Variants in DMXL1 observed in about 807,000 individuals in gnomAD.
DMXL1 encodes the protein Dmx like 1.
A neutral mutation model predicts 319.2 loss-of-function variants in DMXL1; 99 were observed. The ratio of observed to expected loss-of-function variants is 0.31; its 90% confidence interval spans 0.26 to 0.37. The LOEUF is 0.37. Ranked by LOEUF, DMXL1 falls within the 10% of genes least tolerant of loss-of-function variation. The pLI is 1.00. For synonymous variants in DMXL1, 1,385 were observed against 1,235.2 expected (o/e 1.12, Z -2.54); for missense variants, 3,745 against 3,595.6 (o/e 1.04, Z -1.06).
chr5:119,087,812 T>A lies in DMXL1; in HGVS notation c.88-10167T>A, dbSNP rs138633798. 5.9e-3 allele frequency among the ~76,000 whole-genome samples: 903 copies of A among 152,248 alleles called. 8 individuals carry two copies. The highest frequency in any genetic ancestry group is 0.02 in the African/African-American group (814 of 41,542). On this transcript the variant is annotated intron_variant, in intron 1 of 43. Coordinates refer to ENST00000539542, the MANE Select transcript of DMXL1 (RefSeq NM_001290321.3). Reference sequence around the variant, plus strand: ...TCATGTTTGCTTTATTTTTATTATTTTTTTTTTGAGACAGAGTCTCGTTCT... The same window carrying A: ...TCATGTTTGCTTTATTTTTATTATTATTTTTTTGAGACAGAGTCTCGTTCT...
chr5:119,145,474 GA>G (rs1338757942), intron 15 of DMXL1, among the ~76,000 whole-genome samples: 2 of 151,702 alleles, frequency 1.3e-5, no homozygotes, highest in Non-Finnish European at 3.0e-5. Flanking sequence ...GAACATGTTG[GA>G]AGTATGCTAA....
intron 43 of DMXL1, among the ~76,000 whole-genome samples, chr5:119,245,127 C>G (rs1789508988): frequency 6.6e-6 from 1 of 152,124 alleles, no homozygotes; most frequent in Admixed American, 6.5e-5. Context: ...GGTCTCACTC[C>G]AGAAATACTC....
rs1561726280 is a variant in DMXL1, at chr5:119,149,553, A to G, written c.3726A>G (p.Gln1242=). The change falls in exon 18 of 44, where the codon CAA becomes CAG. Residue 1242 remains glutamine, a synonymous_variant. Transcript: ENST00000539542. ...AAATGCATGTGTATTGCCAATGGCA[A>G]CCATCTTCTAAACAAGAACCTGTTA... ...DCEMHVYCQW[Q]PSSKQEPVIT... The G allele has an allele frequency of 6.2e-7, 1 of 1,613,934 alleles. No homozygotes were observed. The highest frequency in any genetic ancestry group is 2.2e-5 in the East Asian group (1 of 44,874).
intron 2 of DMXL1, among the ~76,000 whole-genome samples, chr5:119,100,103 G>T (rs1398343298): frequency 6.6e-6 from 1 of 152,074 alleles, no homozygotes; most frequent in Non-Finnish European, 1.5e-5. Flanking sequence ...TATCATAGTG[G>T]TTCCTTAAAG....
chr5:119,097,776 C>T (rs1756323996), intron 1 of DMXL1, among the ~76,000 whole-genome samples: 1 of 151,944 alleles, frequency 6.6e-6, no homozygotes, highest in Non-Finnish European at 1.5e-5. Context: ...GCAGAAAGGA[C>T]TGACAGAATT....
chr5:119,078,542 C>G (rs544538409), intron 1 of DMXL1, among the ~76,000 whole-genome samples: 1 of 152,188 alleles, frequency 6.6e-6, no homozygotes, highest in Non-Finnish European at 1.5e-5. Flanking sequence ...CCTCAATCTC[C>G]TAGGCTCAAT....
intron 13 of DMXL1, among the ~76,000 whole-genome samples, chr5:119,142,082 C>T (rs530377402): frequency 9.8e-4 from 149 of 152,196 alleles, no homozygotes; most frequent in African/African-American, 3.3e-3. Flanking sequence ...AAACTGGATC[C>T]CTTCCTTACA....
chr5:119,227,335 A>G (rs1319129147), intron 38 of DMXL1, among the ~76,000 whole-genome samples: 2 of 152,166 alleles, frequency 1.3e-5, no homozygotes, highest in Admixed American at 6.5e-5. Flanking sequence ...TAGGTTCTAT[A>G]TAAGCCTAGC....
chr5:119,099,400 G>T (rs1001331204), intron 2 of DMXL1, among the ~76,000 whole-genome samples: 1 of 151,938 alleles, frequency 6.6e-6, no homozygotes. Flanking sequence ...TAGTAGAAAC[G>T]GGGTTTCATC....
intron 34 of DMXL1, among the ~76,000 whole-genome samples, chr5:119,211,231 T>A (rs1380265199): frequency 2.0e-5 from 3 of 152,160 alleles, no homozygotes; most frequent in Non-Finnish European, 4.4e-5. Context: ...TTTCTTACAA[T>A]GTTGTTTGTG....
chr5:119,122,271 C>A (rs1264763254), intron 9 of DMXL1, among the ~76,000 whole-genome samples: 4 of 146,338 alleles, frequency 2.7e-5, no homozygotes, highest in Non-Finnish European at 4.6e-5. Flanking sequence ...GGGCCGACCA[C>A]CCCACCTCCC....
Position 119,147,420 on chromosome 5 carries a change from A to G in DMXL1, c.2861A>G (p.Glu954Gly). ...TTTTCAGAAATGGTTTATAGCCAAG[A>G]ATTGCATTTACCAGAAGGAGTTGAG... Reference protein sequence around the residue: ...TLFSEMVYSQELHLPEGVEII... With the variant: ...TLFSEMVYSQGLHLPEGVEII... The change falls in exon 17 of 44, where the codon GAA becomes GGA. Residue 954 changes from glutamate to glycine, a missense_variant. Physicochemically the swap from Glu to Gly is moderately conservative, Grantham distance 98 (BLOSUM62 -2). Coordinates refer to ENST00000539542, the MANE Select transcript of DMXL1 (RefSeq NM_001290321.3). The G allele has an allele frequency of 6.2e-7, 1 of 1,613,526 alleles. No homozygotes were observed. The highest frequency in any genetic ancestry group is 1.3e-5 in the African/African-American group (1 of 75,022).
chr5:119,080,571 T>G (rs118017280), intron 1 of DMXL1, among the ~76,000 whole-genome samples: 1 of 152,198 alleles, frequency 6.6e-6, no homozygotes, highest in African/African-American at 2.4e-5. Context: ...GCCCTGTAGA[T>G]TCTGTCTCCT....
chr5:119,168,179 G>A (rs1362648430), intron 23 of DMXL1, among the ~76,000 whole-genome samples: 1 of 152,162 alleles, frequency 6.6e-6, no homozygotes, highest in East Asian at 1.9e-4. Context: ...AATTTAGTGT[G>A]TTTGTCAATC....
intron 9 of DMXL1, among the ~76,000 whole-genome samples, chr5:119,121,983 C>T (rs1345129139): frequency 4.6e-5 from 6 of 131,476 alleles, no homozygotes; most frequent in Non-Finnish European, 6.6e-5. Context: ...CCAGTAGGGG[C>T]GGCCGGGCAG....
At chr5:119,205,532 GT>G (rs1311009870) in intron 33 of DMXL1, among the ~76,000 whole-genome samples, 2 of 151,624 alleles carry the variant, frequency 1.3e-5, no homozygotes, top group Admixed American at 1.3e-4. Flanking sequence ...TCTGAATTTT[GT>G]TTTTTTAATG....
Position 119,155,110 on chromosome 5 carries a change from G to A in DMXL1, c.4702+3074G>A, listed in dbSNP as rs572387236. On this transcript the variant is annotated intron_variant, in intron 19 of 43. Coordinates refer to ENST00000539542, the MANE Select transcript of DMXL1 (RefSeq NM_001290321.3). Reference sequence around the variant, plus strand: ...CTGTTATTGACAGTGACCTGTTCACGCAAGAGCTCTGATGCAGGTGTACAA... The same window carrying A: ...CTGTTATTGACAGTGACCTGTTCACACAAGAGCTCTGATGCAGGTGTACAA... Among the ~76,000 whole-genome samples, 85 of 152,312 alleles carry A rather than the reference G, an allele frequency of 5.6e-4. 2 individuals carry two copies. In the South Asian group the frequency reaches 0.014, roughly 25 times the overall value.
At chr5:119,233,313 T>C (rs1415310184) in intron 38 of DMXL1, 27 bp from the exon 39 acceptor site, 3 of 1,592,196 alleles carry the variant, frequency 1.9e-6, no homozygotes, top group Non-Finnish European at 1.7e-6. Flanking sequence ...GAAATAAATC[T>C]GCAATTTTTG....
intron 1 of DMXL1, among the ~76,000 whole-genome samples, chr5:119,096,183 T>A (rs576919329): frequency 1.3e-5 from 2 of 152,036 alleles, no homozygotes; most frequent in South Asian, 4.1e-4. Context: ...TATAATTTTT[T>A]TTTTTTTTTT....
Sources: gnomAD v4.1 joint callset for allele counts (sites outside exome capture counted in the v4.1 genomes callset) on GRCh38, gnomAD v4.1.1 for gene constraint, MANE v1.5 for transcripts, NCBI Gene and HGNC (gene_info 2026-07-23, HGNC 2026-07-21) for gene names.